Variants in SLC31A1 observed in about 807,000 individuals in gnomAD.
The protein encoded by SLC31A1 is high affinity copper uptake protein 1.
In SLC31A1, 5 loss-of-function variants were observed where a neutral mutation model predicts 17.2. The observed-to-expected ratio is 0.29, with a 90% CI of 0.15 to 0.61. SLC31A1 has a LOEUF of 0.61. Among genes scored for constraint, SLC31A1 ranks in the 20% least tolerant of loss-of-function variants. SLC31A1 has a pLI of 0.86. For synonymous variants in SLC31A1, 76 were observed against 78.8 expected (o/e 0.96, Z 0.19); for missense variants, 161 against 241.4 (o/e 0.67, Z 2.21).
Position 113,263,216 on chromosome 9 carries a change from G to A in SLC31A1, c.*2743G>A, listed in dbSNP as rs1831813970. On this transcript the variant is annotated 3_prime_UTR_variant, in exon 5 of 5. Transcript: ENST00000374212. ...AAATGCTATGACTTTGAAATTCACAGAAAGAAATAACAGTTTAGATTAGGT... is the reference window on the plus strand; with the variant it reads ...AAATGCTATGACTTTGAAATTCACAAAAAGAAATAACAGTTTAGATTAGGT... 1 of 152,168 alleles carries A rather than the reference G, an allele frequency of 6.6e-6. No individual in the cohort carries two copies. The highest frequency in any genetic ancestry group is 2.4e-5 in the African/African-American group (1 of 41,426). 9.4% of individuals were successfully genotyped at this position (152,168 alleles called of 1,614,324 possible).
chr9:113,244,000 A>G (rs1489308797), intron 1 of SLC31A1, among the ~76,000 whole-genome samples: 1 of 151,806 alleles, frequency 6.6e-6, no homozygotes, highest in African/African-American at 2.4e-5. Flanking sequence ...CTAAAAATAC[A>G]AAAAATTAGC....
At chr9:113,235,467 A>AGAGCAATGAAAAAT (rs1166986786) in intron 1 of SLC31A1, among the ~76,000 whole-genome samples, 4 of 152,262 alleles carry the variant, frequency 2.6e-5, no homozygotes, top group Non-Finnish European at 2.9e-5. Context: ...AGGAAACTAT[A>AGAGCAATGAAAAAT]GAGCAATGAA....
intron 1 of SLC31A1, among the ~76,000 whole-genome samples, chr9:113,225,895 A>T (rs577943485): frequency 6.6e-6 from 1 of 152,266 alleles, no homozygotes; most frequent in South Asian, 2.1e-4. Context: ...CCCGCCTGTA[A>T]TCCCAGCTCA....
intron 2 of SLC31A1, 194 bp downstream of exon 2, chr9:113,256,471 C>A: frequency 7.0e-5 from 37 of 525,370 alleles, no homozygotes; most frequent in Middle Eastern, 5.3e-4. Context: ...ACACCAGAAC[C>A]AAGATTTTAG....
Position 113,260,579 on chromosome 9 carries a change from G to GGACACACA in SLC31A1, c.*106_*107insGACACACA. ...TCCCTTCTTGCTCCTCTTTGTGCAC[G>GGACACACA]TACACACACACACACACACACACAC... On this transcript the variant is annotated 3_prime_UTR_variant, in exon 5 of 5. Coordinates refer to ENST00000374212, the MANE Select transcript of SLC31A1 (RefSeq NM_001859.4). 2.2e-5 allele frequency: 13 copies of GGACACACA among 590,112 alleles called. No individual in the cohort carries two copies. The East Asian group carries it at 2.4e-4, about 11-fold the overall frequency. The allele number at this position is 590,112 out of a possible 1,614,324, so 36.6% of individuals were successfully genotyped here.
intron 1 of SLC31A1, among the ~76,000 whole-genome samples, chr9:113,226,868 T>C (rs557185106): frequency 6.6e-6 from 1 of 152,332 alleles, no homozygotes; most frequent in East Asian, 1.9e-4. Flanking sequence ...AGTCATTTAA[T>C]TTATGAAATG....
chr9:113,250,073 G>C (rs1384026944), intron 1 of SLC31A1, among the ~76,000 whole-genome samples: 1 of 150,550 alleles, frequency 6.6e-6, no homozygotes, highest in Non-Finnish European at 1.5e-5. Context: ...CTTTTACACT[G>C]TTGGTGGGAC....
At chr9:113,240,553 C>G (rs921923392) in intron 1 of SLC31A1, among the ~76,000 whole-genome samples, 5 of 152,008 alleles carry the variant, frequency 3.3e-5, no homozygotes, top group African/African-American at 1.2e-4. Flanking sequence ...AGAAAAACCT[C>G]CTGGAATGAG....
Position 113,260,608 on chromosome 9 carries a change from CA to C in SLC31A1, c.*136del. ...ACACACACACACACACACACACACA[CA>C]CACCCCTGCTCAACAGAGGTTTAGT... is the stretch of plus-strand genomic sequence containing the variant. On this transcript the variant is annotated 3_prime_UTR_variant, in exon 5 of 5. Transcript: ENST00000374212. The C allele has an allele frequency of 5.4e-6, 4 of 741,996 alleles. No individual in the cohort carries two copies. The highest frequency in any genetic ancestry group is 2.7e-5 in the East Asian group (1 of 37,398). The allele number at this position is 741,996 out of a possible 1,614,324, so 46.0% of individuals were successfully genotyped here.
At chr9:113,222,731 A>G (rs746480174) in intron 1 of SLC31A1, among the ~76,000 whole-genome samples, 5 of 152,234 alleles carry the variant, frequency 3.3e-5, no homozygotes, top group Non-Finnish European at 7.3e-5. Flanking sequence ...GAATCTAAGC[A>G]CTAGAACCGG....
intron 1 of SLC31A1, among the ~76,000 whole-genome samples, chr9:113,234,730 G>T (rs1005928211): frequency 6.6e-6 from 1 of 152,000 alleles, no homozygotes; most frequent in Admixed American, 6.6e-5. Flanking sequence ...CTTCCCTGAT[G>T]ATTCTGATCC....
chr9:113,242,422 A>G (rs1423767334), intron 1 of SLC31A1, among the ~76,000 whole-genome samples: 2 of 152,108 alleles, frequency 1.3e-5, no homozygotes, highest in East Asian at 3.9e-4. Flanking sequence ...TTTTGTTTTG[A>G]GACAGAGTCT....
chr9:113,241,636 A>G (rs1831522624), intron 1 of SLC31A1, among the ~76,000 whole-genome samples: 1 of 152,224 alleles, frequency 6.6e-6, no homozygotes, highest in African/African-American at 2.4e-5. Flanking sequence ...CAGGTGATCT[A>G]CATATAGCTG....
rs761688235 is a variant in SLC31A1 at position 113,260,481 on chromosome 9, C to G, written c.*8C>G. On this transcript the variant is annotated 3_prime_UTR_variant, in exon 5 of 5. Coordinates refer to ENST00000374212, the MANE Select transcript of SLC31A1 (RefSeq NM_001859.4). ...ACAGAGCATTGCCATTGACATCAAA[C>G]TCTATGGCGTGGCCTTATCGATTGC... 1.2e-6 allele frequency: 2 copies of G among 1,609,494 alleles called. No individual in the cohort carries two copies. Among genetic ancestry groups the G allele is most frequent in the Admixed American group, 3.3e-5 (2 of 60,004 alleles).
intron 1 of SLC31A1, among the ~76,000 whole-genome samples, chr9:113,222,344 G>A (rs999558341): frequency 6.6e-6 from 1 of 152,148 alleles, no homozygotes; most frequent in African/African-American, 2.4e-5. Flanking sequence ...GGGTTTCCCT[G>A]GGTCTTCCTG....
At position 113,258,071 on chromosome 9, in the gene SLC31A1, C is replaced by T. The variant is rs1831747931; in HGVS notation, c.203-623C>T. 1.3e-5 allele frequency among the ~76,000 whole-genome samples: 2 copies of T among 152,184 alleles called. No individual in the cohort carries two copies. Among genetic ancestry groups the T allele is most frequent in the East Asian group, 3.9e-4 (2 of 5,172 alleles). On this transcript the variant is annotated intron_variant, in intron 3 of 4. Coordinates refer to ENST00000374212, the MANE Select transcript of SLC31A1 (RefSeq NM_001859.4). The surrounding 1 kb of genome is among the most constrained non-coding windows in gnomAD (Gnocchi z 4.8). ...TTGGCACGGCCCATCTTAGACACTCCTAGTTTTGAGGTAGATGATTACCCA... is the reference window on the plus strand; with the variant it reads ...TTGGCACGGCCCATCTTAGACACTCTTAGTTTTGAGGTAGATGATTACCCA...
At chr9:113,228,848 C>T (rs1048382188) in intron 1 of SLC31A1, among the ~76,000 whole-genome samples, 4 of 150,106 alleles carry the variant, frequency 2.7e-5, no homozygotes, top group African/African-American at 9.8e-5. Flanking sequence ...TTTGATGATA[C>T]TTTTTTTTTT....
rs939206813 is a variant in SLC31A1 at position 113,261,970 on chromosome 9, C to T, written c.*1497C>T. The T allele has an allele frequency of 1.7e-4, 26 of 152,618 alleles. No homozygotes were observed. Among genetic ancestry groups the T allele is most frequent in the African/African-American group, 5.6e-4 (23 of 41,436 alleles). 9.5% of individuals were successfully genotyped at this position (152,618 alleles called of 1,614,324 possible). On this transcript the variant is annotated 3_prime_UTR_variant, in exon 5 of 5. Transcript: ENST00000374212. Reference sequence around the variant, plus strand: ...ACCTGTGTGTATGTGTACCCAAGCACACATGTGTGAAGGGCTATAGCCAAA... The same window carrying T: ...ACCTGTGTGTATGTGTACCCAAGCATACATGTGTGAAGGGCTATAGCCAAA...
rs1256436137 is a variant in SLC31A1 at position 113,262,078 on chromosome 9, G to A, written c.*1605G>A. On this transcript the variant is annotated 3_prime_UTR_variant, in exon 5 of 5. Transcript: ENST00000374212. Reference sequence around the variant, plus strand: ...CTTGGAAGTAGTTTGATTGTTGAGAGAGACCTTTGATCTGCAGTGTAAATC... The same window carrying A: ...CTTGGAAGTAGTTTGATTGTTGAGAAAGACCTTTGATCTGCAGTGTAAATC... 1.3e-5 allele frequency: 2 copies of A among 152,462 alleles called. No individual in the cohort carries two copies. The allele number at this position is 152,462 out of a possible 1,614,324, so 9.4% of individuals were successfully genotyped here.
Sources: gnomAD v4.1 joint callset for allele counts (sites outside exome capture counted in the v4.1 genomes callset) on GRCh38, gnomAD v4.1.1 for gene constraint, Gnocchi (gnomAD v3.1) non-coding constraint, MANE v1.5 for transcripts, NCBI Gene and HGNC (gene_info 2026-07-23, HGNC 2026-07-21) for gene names.